Variants in MIOS observed in about 807,000 individuals in gnomAD.
MIOS encodes GATOR2 complex protein MIOS.
A neutral mutation model predicts 96.9 loss-of-function variants in MIOS; 52 were observed. That is an observed-to-expected ratio of 0.54 (90% CI 0.43 to 0.68). The LOEUF (loss-of-function observed/expected upper bound fraction) is 0.68. MIOS is among the 30% of genes least tolerant of loss of function. MIOS has a pLI of 0.00. For missense variants in MIOS, 1,005 were observed against 1,052.8 expected (o/e 0.95, Z 0.63); for synonymous variants, 397 against 359.5 (o/e 1.10, Z -1.18).
Position 7,573,202 on chromosome 7 carries a change from T to G in MIOS, c.727T>G (p.Phe243Val), listed in dbSNP as rs1485749314. 3 of 1,614,154 alleles carry G rather than the reference T, an allele frequency of 1.9e-6. No individual in the cohort carries two copies. Among genetic ancestry groups the G allele is most frequent in the Non-Finnish European group, 2.5e-6 (3 of 1,179,984 alleles). Residue 243 changes from phenylalanine (F) to valine (V), a missense_variant, in exon 4 of 13, where the codon TTC (phenylalanine) becomes GTC (valine). By Grantham distance (50) the Phe-to-Val change is conservative. Coordinates refer to ENST00000340080, the MANE Select transcript of MIOS (RefSeq NM_019005.4). The surrounding 1 kb of genome is among the most constrained non-coding windows in gnomAD (Gnocchi z 5.0). ...DPYFHDRVASFYEGQVAIWDL... is the reference protein window; with the variant it reads ...DPYFHDRVASVYEGQVAIWDL... The stretch of plus-strand genomic sequence containing the variant: ...ATATTTCCACGATCGTGTTGCTTCC[T>G]TCTATGAAGGTCAGGTTGCAATATG...
intron 11 of MIOS, among the ~76,000 whole-genome samples, chr7:7,601,383 AG>A (rs887478752): frequency 3.5e-4 from 53 of 152,272 alleles, no homozygotes; most frequent in African/African-American, 1.2e-3. Flanking sequence ...AAAATGACAA[AG>A]GGGATATCAC....
At chr7:7,568,332 T>A (rs1265281107) in intron 3 of MIOS, among the ~76,000 whole-genome samples, 1 of 152,138 alleles carries the variant, frequency 6.6e-6, no homozygotes, top group Non-Finnish European at 1.5e-5. Flanking sequence ...TTTATCTCGG[T>A]TTTATGGTTT....
intron 11 of MIOS, among the ~76,000 whole-genome samples, chr7:7,602,824 A>G (rs1174576840): frequency 6.6e-6 from 1 of 152,124 alleles, no homozygotes; most frequent in Non-Finnish European, 1.5e-5. Flanking sequence ...AAACTATACT[A>G]CAAGGCTACA....
At chr7:7,568,598 C>T (rs1222694189) in intron 3 of MIOS, among the ~76,000 whole-genome samples, 1 of 152,220 alleles carries the variant, frequency 6.6e-6, no homozygotes, top group Non-Finnish European at 1.5e-5. Flanking sequence ...ATGGCTAGCA[C>T]TTAGTTTAAT....
chr7:7,578,178 A>G (rs1352643441), intron 5 of MIOS, among the ~76,000 whole-genome samples: 1 of 152,150 alleles, frequency 6.6e-6, no homozygotes, highest in African/African-American at 2.4e-5. Context: ...AAGCAAAGGA[A>G]CTGAGAGGCT....
chr7:7,589,643 C>G (rs1783991968), intron 9 of MIOS, 80 bp downstream of exon 9: 2 of 1,447,722 alleles, frequency 1.4e-6, no homozygotes, highest in Admixed American at 2.1e-5. Flanking sequence ...TAAATATGCA[C>G]TTTTGCTTGC....
intron 11 of MIOS, among the ~76,000 whole-genome samples, chr7:7,603,647 A>G (rs1784441974): frequency 6.6e-6 from 1 of 152,202 alleles, no homozygotes; most frequent in Non-Finnish European, 1.5e-5. Flanking sequence ...TGTGGAAGTC[A>G]GTGTGGCGAT....
At chr7:7,602,270 G>C (rs1304644601) in intron 11 of MIOS, among the ~76,000 whole-genome samples, 1 of 152,216 alleles carries the variant, frequency 6.6e-6, no homozygotes, top group Non-Finnish European at 1.5e-5. Context: ...TTTAGGAAAA[G>C]AGGAAGTCAA....
chr7:7,587,583 C>T (rs558133181), intron 7 of MIOS, among the ~76,000 whole-genome samples: 57 of 152,126 alleles, frequency 3.7e-4, no homozygotes, highest in African/African-American at 1.1e-3. Flanking sequence ...ATTACTTTCT[C>T]GAGATGTAAA....
intron 5 of MIOS, among the ~76,000 whole-genome samples, chr7:7,574,626 C>T (rs73349851): frequency 0.038 from 5,729 of 152,098 alleles, 313 homozygotes; most frequent in African/African-American, 0.12. Context: ...AGCCATCTAA[C>T]AGCAAGGAGT....
chr7:7,595,804 C>T (rs1190535670), intron 10 of MIOS, among the ~76,000 whole-genome samples: 1 of 152,160 alleles, frequency 6.6e-6, no homozygotes, highest in African/African-American at 2.4e-5. Context: ...TGAACAGCTT[C>T]TATTGCTATT....
chr7:7,589,320 A>G, intron 8 of MIOS, 85 bp from the exon 9 acceptor site: 2 of 1,181,224 alleles, frequency 1.7e-6, no homozygotes, highest in Non-Finnish European at 1.2e-6. Context: ...TTCCATTAGG[A>G]ATGAAATTGT....
rs1300539509 is a variant in MIOS at position 7,568,039 on chromosome 7, A to G, written c.-125A>G. ...TCTTTTGGACAGTGCTGTTGCAAAT[A>G]TTCTGGTGAATGAACACAGAATCAG... On this transcript the variant is annotated 5_prime_UTR_variant, in exon 3 of 13. In the 5' UTR this introduces an upstream ATG that the reference lacks. Coordinates refer to ENST00000340080, the MANE Select transcript of MIOS (RefSeq NM_019005.4). The G allele has an allele frequency of 6.6e-6, 1 of 152,258 alleles. No individual in the cohort carries two copies. Among genetic ancestry groups the G allele is most frequent in the African/African-American group, 2.4e-5 (1 of 41,470 alleles). 9.4% of individuals were successfully genotyped at this position (152,258 alleles called of 1,614,324 possible). A position where few individuals can be genotyped will look rare whatever the true frequency, so the allele number is the denominator to read the frequency against.
intron 3 of MIOS, among the ~76,000 whole-genome samples, chr7:7,571,228 T>A (rs1018200677): frequency 6.6e-6 from 1 of 152,238 alleles, no homozygotes; most frequent in East Asian, 1.9e-4. Context: ...GCATTTAAAT[T>A]TTTGTAGGCA....
At chr7:7,589,291 T>C (rs28523594) in intron 8 of MIOS, 114 bp from the exon 9 acceptor site, 16,527 of 848,740 alleles carry the variant, frequency 0.019, 788 homozygotes, top group African/African-American at 0.15. Flanking sequence ...TTTAGTAAAG[T>C]CTTTTGTTTT....
intron 11 of MIOS, among the ~76,000 whole-genome samples, chr7:7,604,587 C>T (rs953104995): frequency 2.0e-5 from 3 of 152,174 alleles, no homozygotes; most frequent in African/African-American, 7.2e-5. Flanking sequence ...CTACTGGTTT[C>T]CTTCATTTTC....
In MIOS at chr7:7,569,101, A is replaced by G. The variant is rs556316227; in HGVS notation, c.-41+978A>G. 4.8e-4 allele frequency among the ~76,000 whole-genome samples: 73 copies of G among 152,338 alleles called. No individual in the cohort carries two copies. The Middle Eastern group carries it at 0.014, about 28-fold the overall frequency. On this transcript the variant is annotated intron_variant, in intron 3 of 12. Coordinates refer to ENST00000340080, the MANE Select transcript of MIOS (RefSeq NM_019005.4). ...GTGTTTATTTAAACATTGATTTTTC[A>G]ATGAGATGGGAAAATGGCCCAGATC...
rs1784283080 is a variant in MIOS, at chr7:7,598,602, A to AAAT, written c.2401+2144_2401+2146dup. Among the ~76,000 whole-genome samples the AAAT allele has an allele frequency of 2.0e-5, 3 of 152,306 alleles. No homozygotes were observed. The East Asian group carries it at 5.8e-4, about 29-fold the overall frequency. On this transcript the variant is annotated intron_variant, in intron 11 of 12. Coordinates refer to ENST00000340080, the MANE Select transcript of MIOS (RefSeq NM_019005.4). ...GAGAGCTCGAGGTAAAATATAGCAT[A>AAAT]AATAAGACATATATGTGTATGAACT...
intron 11 of MIOS, among the ~76,000 whole-genome samples, chr7:7,599,460 A>T (rs1784307580): frequency 6.6e-6 from 1 of 152,234 alleles, no homozygotes; most frequent in South Asian, 2.1e-4. Context: ...TATTACTTCT[A>T]TCTGAAGGAT....
Sources: allele counts gnomAD v4.1 joint callset (sites outside exome capture counted in the v4.1 genomes callset), GRCh38; gene constraint gnomAD v4.1.1; non-coding constraint Gnocchi (gnomAD v3.1); transcripts MANE v1.5; gene names NCBI Gene and HGNC (gene_info 2026-07-23, HGNC 2026-07-21).